The following DLST variants were observed in gnomAD, a reference collection of about 807,000 sequenced individuals.
DLST encodes the protein dihydrolipoyllysine-residue succinyltransferase component of 2-oxoglutarate dehydrogenase complex, mitochondrial.
In DLST, 17 loss-of-function variants were observed where a neutral mutation model predicts 53.1. The observed-to-expected ratio is 0.32, with a 90% confidence interval of 0.22 to 0.48. The LOEUF (loss-of-function observed/expected upper bound fraction) is 0.48, where lower values mean the gene tolerates loss of function less well. DLST is among the 20% of genes least tolerant of loss of function. DLST has a pLI of 0.99. For missense variants in DLST, 512 were observed against 583.9 expected (o/e 0.88, Z 1.27); for synonymous variants, 206 against 204.8 (o/e 1.01, Z -0.05).
At position 74,891,164 on chromosome 14, in the gene DLST, G is replaced by T; in HGVS notation, c.439G>T (p.Gly147Cys). ...GTPLFTLRKT[G>C]AAPAKAKPAE... Reference sequence around the variant, plus strand: ...TCCACTTTTCACACTCAGGAAAACTGGTGGTAAAGAAGTTCTCCTGGTGGT... The same window carrying T: ...TCCACTTTTCACACTCAGGAAAACTTGTGGTAAAGAAGTTCTCCTGGTGGT... The change falls in exon 7 of 15, where the codon GGT becomes TGT. Residue 147 changes from glycine to cysteine, a missense_variant. Gly to Cys is a radical substitution (Grantham distance 159). This residue lies in a region of DLST where 162 missense variants were observed against 162.0 expected (regional missense o/e 1.00). Transcript: ENST00000334220. The T allele has an allele frequency of 6.2e-7, 1 of 1,614,080 alleles. No individual in the cohort carries two copies. Among genetic ancestry groups the T allele is most frequent in the African/African-American group, 1.3e-5 (1 of 75,050 alleles).
At chr14:74,882,333 T>G (rs928129581) in intron 1 of DLST, among the ~76,000 whole-genome samples, 4 of 152,220 alleles carry the variant, frequency 2.6e-5, no homozygotes, top group Non-Finnish European at 4.4e-5. Context: ...GGCGGAGTCC[T>G]CCGGCGGGAT....
At chr14:74,884,876 C>G (rs1243341827) in intron 2 of DLST, among the ~76,000 whole-genome samples, 2 of 152,102 alleles carry the variant, frequency 1.3e-5, no homozygotes, top group Non-Finnish European at 2.9e-5. Context: ...AGAAAGAATT[C>G]AGAAGAGGCA....
chr14:74,901,319 A>AT (rs1884240090), intron 14 of DLST, 86 bp downstream of exon 14: 5 of 1,331,942 alleles, frequency 3.8e-6, no homozygotes, highest in Non-Finnish European at 5.2e-6. Context: ...AACATTAACT[A>AT]TAATTTCAGG....
intron 10 of DLST, among the ~76,000 whole-genome samples, chr14:74,896,293 C>T (rs1396109838): frequency 1.3e-5 from 2 of 152,216 alleles, no homozygotes; most frequent in African/African-American, 4.8e-5. Context: ...TGTCAAAAAT[C>T]ATTTCTGTTG....
intron 10 of DLST, among the ~76,000 whole-genome samples, chr14:74,896,059 G>C (rs1195834793): frequency 6.6e-6 from 1 of 152,190 alleles, no homozygotes; most frequent in Non-Finnish European, 1.5e-5. Context: ...GTCTCGCTGT[G>C]TTGCCTAGGC....
intron 10 of DLST, among the ~76,000 whole-genome samples, chr14:74,895,154 C>T (rs1195774167): frequency 6.6e-6 from 1 of 152,140 alleles, no homozygotes; most frequent in African/African-American, 2.4e-5. Context: ...TTGACCCCGT[C>T]ACTTACATAT....
At chr14:74,895,753 A>G (rs1884057816) in intron 10 of DLST, among the ~76,000 whole-genome samples, 1 of 152,058 alleles carries the variant, frequency 6.6e-6, no homozygotes. Flanking sequence ...TACAAAAATT[A>G]CCCAGGCATG....
chr14:74,897,320 G>A (rs966948064), intron 10 of DLST, among the ~76,000 whole-genome samples: 1 of 152,196 alleles, frequency 6.6e-6, no homozygotes, highest in African/African-American at 2.4e-5. Context: ...TGCTAATGTC[G>A]AATTAGGCCA....
chr14:74,890,968 G>A, intron 6 of DLST, 88 bp from the exon 7 acceptor site: 2 of 1,511,642 alleles, frequency 1.3e-6, no homozygotes, highest in Middle Eastern at 2.5e-4. Flanking sequence ...ATGAGCCACT[G>A]TGCCTGGCTT....
At chr14:74,898,089 TATG>T (rs1443663472) in intron 10 of DLST, among the ~76,000 whole-genome samples, 2 of 152,196 alleles carry the variant, frequency 1.3e-5, no homozygotes, top group African/African-American at 2.4e-5. Context: ...CTCTTGTTCA[TATG>T]ATGTGTCACT....
chr14:74,882,702 T>G, intron 2 of DLST, 78 bp downstream of exon 2: 1 of 1,321,116 alleles, frequency 7.6e-7, no homozygotes, highest in Non-Finnish European at 1.1e-6. Context: ...GGGGTGCCTG[T>G]GTTTCTCATA....
chr14:74,894,448 T>A (rs1376619557), intron 10 of DLST, 39 bp downstream of exon 10: 6 of 1,599,860 alleles, frequency 3.8e-6, no homozygotes, highest in Non-Finnish European at 5.1e-6. Flanking sequence ...AGGCCCCTTT[T>A]TCTTAGAGAA....
At chr14:74,895,409 G>T (rs1204274101) in intron 10 of DLST, among the ~76,000 whole-genome samples, 1 of 152,210 alleles carries the variant, frequency 6.6e-6, no homozygotes, top group Non-Finnish European at 1.5e-5. Context: ...AGAGAAATTT[G>T]ACAAACGTGT....
chr14:74,893,053 A>G (rs1475344410), intron 8 of DLST, 67 bp downstream of exon 8: 3 of 1,516,726 alleles, frequency 2.0e-6, no homozygotes, highest in Non-Finnish European at 2.7e-6. Flanking sequence ...TCAAAGGGTA[A>G]ACTCTAGACT....
intron 8 of DLST, 101 bp downstream of exon 8, chr14:74,893,087 G>A: frequency 1.4e-6 from 2 of 1,402,614 alleles, no homozygotes; most frequent in South Asian, 1.5e-5. Context: ...AACAGGCCAG[G>A]TTGGCTGCTT....
intron 3 of DLST, 56 bp from the exon 4 acceptor site, chr14:74,889,039 A>G (rs1883804742): frequency 1.9e-6 from 3 of 1,584,450 alleles, no homozygotes; most frequent in Non-Finnish European, 1.7e-6. Flanking sequence ...CCTTAACTAG[A>G]CTAAAATGTG....
intron 11 of DLST, 38 bp from the exon 12 acceptor site, chr14:74,899,885 T>C: frequency 6.5e-7 from 1 of 1,536,012 alleles, no homozygotes. Flanking sequence ...TTGGCCTTCC[T>C]GGGGAGTTGT....
chr14:74,899,349 T>G (rs146289414), intron 11 of DLST, among the ~76,000 whole-genome samples: 13 of 152,134 alleles, frequency 8.5e-5, no homozygotes, highest in African/African-American at 3.1e-4. Flanking sequence ...CAATACAACA[T>G]GGACTTTCTG....
At chr14:74,886,849 C>G (rs1194486534) in intron 3 of DLST, among the ~76,000 whole-genome samples, 1 of 151,954 alleles carries the variant, frequency 6.6e-6, no homozygotes, top group Non-Finnish European at 1.5e-5. Flanking sequence ...TCCAGCAATT[C>G]TCCTGCCTCA....
Sources: allele counts gnomAD v4.1 joint callset (sites outside exome capture counted in the v4.1 genomes callset), GRCh38; gene constraint gnomAD v4.1.1; regional missense constraint gnomAD v4.1.1; transcripts MANE v1.5; gene names NCBI Gene and HGNC (gene_info 2026-07-23, HGNC 2026-07-21).